The following GRIK1 variants were observed in gnomAD, a reference collection of about 807,000 sequenced individuals.
The protein encoded by GRIK1 is glutamate ionotropic receptor kainate type subunit 1.
Under a neutral mutation model 105.7 loss-of-function variants are expected in GRIK1, and 69 were observed. That is an observed-to-expected ratio of 0.65 (90% CI 0.54 to 0.80). The LOEUF (loss-of-function observed/expected upper bound fraction) is 0.80, where lower values mean the gene tolerates loss of function less well. Among genes scored for constraint, GRIK1 ranks in the 30% least tolerant of loss-of-function variants. The pLI is 0.00. For missense variants in GRIK1, 1,109 were observed against 1,167.3 expected, an observed-to-expected ratio of 0.95 and a Z score of 0.73; for synonymous variants, 438 against 431.3, an observed-to-expected ratio of 1.02 and a Z score of -0.19.
chr21:29,547,335 C>T (rs901795818), intron 16 of GRIK1, among the ~76,000 whole-genome samples: 3 of 152,208 alleles, frequency 2.0e-5, no homozygotes, highest in African/African-American at 7.2e-5. Flanking sequence ...ATAAGAATTT[C>T]ATGTGTCCAA....
intron 1 of GRIK1, among the ~76,000 whole-genome samples, chr21:29,897,471 C>G (rs949395162): frequency 6.6e-6 from 1 of 152,168 alleles, no homozygotes; most frequent in African/African-American, 2.4e-5. Flanking sequence ...GTATTTTCCT[C>G]TATAGGTCAG....
chr21:29,615,790 C>G (rs1211543030), intron 7 of GRIK1, among the ~76,000 whole-genome samples: 1 of 152,196 alleles, frequency 6.6e-6, no homozygotes, highest in Non-Finnish European at 1.5e-5. Flanking sequence ...TTTCCAACGT[C>G]AAAGGCTTTT....
At chr21:29,888,877 G>T (rs1356822216) in intron 1 of GRIK1, among the ~76,000 whole-genome samples, 1 of 152,008 alleles carries the variant, frequency 6.6e-6, no homozygotes. Context: ...TGAAGAACAG[G>T]TGGTTGTCCT....
chr21:29,758,500 C>A (rs1487634487), intron 1 of GRIK1, among the ~76,000 whole-genome samples: 2 of 152,138 alleles, frequency 1.3e-5, no homozygotes, highest in Non-Finnish European at 2.9e-5. Context: ...AATTCAATTA[C>A]CTCCATTGGG....
intron 1 of GRIK1, among the ~76,000 whole-genome samples, chr21:29,709,256 A>G (rs1277439324): frequency 6.8e-6 from 1 of 148,030 alleles, no homozygotes; most frequent in Non-Finnish European, 1.5e-5. Context: ...GACACTTTCT[A>G]TAGGATCCAT....
intron 1 of GRIK1, among the ~76,000 whole-genome samples, chr21:29,779,492 AT>A (rs1263949227): frequency 1.0e-5 from 1 of 95,872 alleles, no homozygotes; most frequent in African/African-American, 3.8e-5. Flanking sequence ...TTGCCCTTTT[AT>A]GGTGTGTGTG....
chr21:29,688,264 A>G (rs75035773), intron 3 of GRIK1, among the ~76,000 whole-genome samples: 3,004 of 152,334 alleles, frequency 0.02, 112 homozygotes, highest in African/African-American at 0.07. Flanking sequence ...AAGAAAATAC[A>G]TAAGTGCATA....
chr21:29,660,847 T>C (rs551398790), intron 4 of GRIK1, among the ~76,000 whole-genome samples: 30 of 152,334 alleles, frequency 2.0e-4, no homozygotes, highest in African/African-American at 7.0e-4. Flanking sequence ...GAACATGCAA[T>C]GTGGCTAAAA....
At chr21:29,799,184 A>G (rs555278554) in intron 1 of GRIK1, among the ~76,000 whole-genome samples, 7 of 152,322 alleles carry the variant, frequency 4.6e-5, no homozygotes, top group African/African-American at 1.7e-4. Flanking sequence ...TCAACCTTTA[A>G]TGTGCCATCA....
At chr21:29,934,661 T>A (rs539497952) in intron 1 of GRIK1, among the ~76,000 whole-genome samples, 76 of 152,282 alleles carry the variant, frequency 5.0e-4, no homozygotes, top group African/African-American at 1.8e-3. Flanking sequence ...TGGCATAATT[T>A]AATGGAAGGA....
chr21:29,862,361 C>T (rs118166925), intron 1 of GRIK1, among the ~76,000 whole-genome samples: 157 of 152,202 alleles, frequency 1.0e-3, no homozygotes, highest in Non-Finnish European at 1.9e-3. Flanking sequence ...TATTTTGTAC[C>T]TCACATTTTA....
At chr21:29,759,805 C>G (rs998710778) in intron 1 of GRIK1, among the ~76,000 whole-genome samples, 4 of 152,198 alleles carry the variant, frequency 2.6e-5, no homozygotes, top group African/African-American at 9.6e-5. Flanking sequence ...CCTCTGCTGT[C>G]TACTCCTCCC....
At chr21:29,741,018 C>T (rs1049795259) in intron 1 of GRIK1, among the ~76,000 whole-genome samples, 1 of 152,206 alleles carries the variant, frequency 6.6e-6, no homozygotes, top group Non-Finnish European at 1.5e-5. Context: ...TCTCAGAAAG[C>T]CTTTCTGTAC....
intron 1 of GRIK1, among the ~76,000 whole-genome samples, chr21:29,805,363 T>C (rs1209273686): frequency 6.6e-6 from 1 of 152,130 alleles, no homozygotes; most frequent in Non-Finnish European, 1.5e-5. Context: ...CCGAAGCCAC[T>C]AGGTCCTTTA....
chr21:29,610,479 A>G (rs1471515498), intron 7 of GRIK1, among the ~76,000 whole-genome samples: 1 of 152,158 alleles, frequency 6.6e-6, no homozygotes, highest in African/African-American at 2.4e-5. Flanking sequence ...AGAGAAAGAG[A>G]CTGAAAAATT....
intron 3 of GRIK1, among the ~76,000 whole-genome samples, chr21:29,685,601 T>C (rs2063473221): frequency 6.6e-6 from 1 of 152,212 alleles, no homozygotes; most frequent in African/African-American, 2.4e-5. Context: ...GCTTTTGTTG[T>C]CTTTTAAGAG....
At chr21:29,926,783 G>C (rs1331172980) in intron 1 of GRIK1, among the ~76,000 whole-genome samples, 1 of 151,950 alleles carries the variant, frequency 6.6e-6, no homozygotes, top group Non-Finnish European at 1.5e-5. Context: ...AGAGTATACT[G>C]TTTAGGCTAA....
chr21:29,871,436 T>G (rs2069008046), intron 1 of GRIK1, among the ~76,000 whole-genome samples: 1 of 152,164 alleles, frequency 6.6e-6, no homozygotes, highest in Non-Finnish European at 1.5e-5. Context: ...TTAAACAACT[T>G]GTTTAAGTAG....
chr21:29,569,879 G>A (rs549785928), intron 14 of GRIK1, among the ~76,000 whole-genome samples: 28 of 152,262 alleles, frequency 1.8e-4, no homozygotes, highest in African/African-American at 6.7e-4. Flanking sequence ...ATTTCTGAAA[G>A]GAAAAGTTGG....
Sources: gnomAD v4.1 joint callset for allele counts (sites outside exome capture counted in the v4.1 genomes callset) on GRCh38, gnomAD v4.1.1 for gene constraint, MANE v1.5 for transcripts, NCBI Gene and HGNC (gene_info 2026-07-23, HGNC 2026-07-21) for gene names.